Variants in GRIK2 observed in about 807,000 individuals in gnomAD.
GRIK2 encodes glutamate receptor ionotropic, kainate 2.
A neutral mutation model predicts 100.3 loss-of-function variants in GRIK2; 32 were observed. The ratio of observed to expected loss-of-function variants is 0.32; its 90% CI spans 0.24 to 0.43. The LOEUF (loss-of-function observed/expected upper bound fraction) is 0.43, where lower values mean the gene tolerates loss of function less well. Ranked by LOEUF, GRIK2 falls within the 20% of genes least tolerant of loss-of-function variation. The probability of loss-of-function intolerance (pLI) is 1.00; values close to 1 mark genes in which losing one functional copy is unlikely to be tolerated. For synonymous variants in GRIK2, 417 were observed against 389.4 expected, an observed-to-expected ratio of 1.07 and a Z score of -0.83; for missense variants, 843 against 1,114.9, an observed-to-expected ratio of 0.76 and a Z score of 3.47.
chr6:101,476,243 C>A (rs1772221543), intron 2 of GRIK2, among the ~76,000 whole-genome samples: 1 of 152,060 alleles, frequency 6.6e-6, no homozygotes, highest in African/African-American at 2.4e-5. Context: ...AAGCAGTTAT[C>A]TATGTGGCTG....
At chr6:101,557,556 G>T (rs1469178065) in intron 2 of GRIK2, among the ~76,000 whole-genome samples, 1 of 151,988 alleles carries the variant, frequency 6.6e-6, no homozygotes, top group East Asian at 1.9e-4. Context: ...TTTATTTCTA[G>T]ATAATACAAT....
chr6:101,636,801 A>G (rs1479521797), intron 4 of GRIK2, among the ~76,000 whole-genome samples: 1 of 152,044 alleles, frequency 6.6e-6, no homozygotes, highest in Non-Finnish European at 1.5e-5. Context: ...TGATAGTCAA[A>G]CACTGCCATT....
rs557014404 is a variant in GRIK2 at position 101,772,610 on chromosome 6, C to G, written c.952-27038C>G. On this transcript the variant is annotated intron_variant, in intron 7 of 16. Coordinates refer to ENST00000369134, the MANE Select transcript of GRIK2 (RefSeq NM_021956.5). ...GCCTGAAAGCAGATGTTGGGAATCTCAGAAAATGAATAAAGTATAATCTTG... is the reference window on the plus strand; with the variant it reads ...GCCTGAAAGCAGATGTTGGGAATCTGAGAAAATGAATAAAGTATAATCTTG... Among the ~76,000 whole-genome samples, 4 of 151,582 alleles carry G rather than the reference C, an allele frequency of 2.6e-5. No homozygotes were observed. In the East Asian group the frequency reaches 7.9e-4, roughly 30 times the overall value.
intron 14 of GRIK2, among the ~76,000 whole-genome samples, chr6:101,996,932 A>G (rs1794682668): frequency 6.6e-6 from 1 of 152,152 alleles, no homozygotes; most frequent in Non-Finnish European, 1.5e-5. Flanking sequence ...AACTCAATTA[A>G]AAATATTACT....
chr6:102,032,999 G>A (rs1770077515), intron 14 of GRIK2, among the ~76,000 whole-genome samples: 1 of 151,092 alleles, frequency 6.6e-6, no homozygotes, highest in Non-Finnish European at 1.5e-5. Flanking sequence ...GAAACTTGTA[G>A]GAAATCTTCC....
intron 14 of GRIK2, among the ~76,000 whole-genome samples, chr6:101,980,475 G>T (rs1022200483): frequency 2.0e-5 from 3 of 151,798 alleles, no homozygotes; most frequent in Non-Finnish European, 2.9e-5. Context: ...CAGTATTATG[G>T]CTAACTTAAG....
At chr6:101,819,957 C>A (rs994971914) in intron 10 of GRIK2, among the ~76,000 whole-genome samples, 1 of 152,100 alleles carries the variant, frequency 6.6e-6, no homozygotes, top group African/African-American at 2.4e-5. Flanking sequence ...AAAAAGCCAA[C>A]AAATTTAAAT....
intron 2 of GRIK2, among the ~76,000 whole-genome samples, chr6:101,519,885 A>G (rs1423859454): frequency 1.3e-5 from 2 of 152,120 alleles, no homozygotes; most frequent in Non-Finnish European, 2.9e-5. Flanking sequence ...ATACATACAG[A>G]GAAGTTTTGA....
intron 14 of GRIK2, among the ~76,000 whole-genome samples, chr6:101,977,231 CTATGTTATGT>C (rs58581420): frequency 0.28 from 41,262 of 146,362 alleles, 6,185 homozygotes; most frequent in Non-Finnish European, 0.33. Flanking sequence ...TTATTAGTGG[CTATGTTATGT>C]TATGTTATGT....
At chr6:101,912,728 C>T (rs1446685449) in intron 12 of GRIK2, among the ~76,000 whole-genome samples, 2 of 151,478 alleles carry the variant, frequency 1.3e-5, no homozygotes, top group African/African-American at 4.8e-5. Context: ...TTTCTGAGTG[C>T]TGTTTCCACT....
intron 14 of GRIK2, among the ~76,000 whole-genome samples, chr6:101,981,160 T>G (rs938582815): frequency 1.3e-5 from 2 of 151,810 alleles, no homozygotes; most frequent in African/African-American, 2.4e-5. Context: ...GTTGATGACA[T>G]CATCCCACTC....
At chr6:101,805,669 C>T (rs902049114) in intron 9 of GRIK2, among the ~76,000 whole-genome samples, 2 of 151,842 alleles carry the variant, frequency 1.3e-5, no homozygotes, top group African/African-American at 2.4e-5. Flanking sequence ...ATAGAGGAAA[C>T]CTGCCAATAA....
chr6:101,873,860 C>G (rs1290617220), intron 11 of GRIK2, among the ~76,000 whole-genome samples: 6 of 151,702 alleles, frequency 4.0e-5, no homozygotes, highest in Admixed American at 4.0e-4. Context: ...TGATGAGCAT[C>G]TTTTCATGTG....
intron 4 of GRIK2, among the ~76,000 whole-genome samples, chr6:101,670,679 TTTAATTCTAATG>T (rs985580329): frequency 6.6e-6 from 1 of 152,170 alleles, no homozygotes; most frequent in Non-Finnish European, 1.5e-5. Flanking sequence ...CTTAATGTTT[TTTAATTCTAATG>T]TTAGGTTTTC....
chr6:101,686,524 A>G (rs1484931803), intron 7 of GRIK2, among the ~76,000 whole-genome samples, 171 bp downstream of exon 7: 1 of 152,132 alleles, frequency 6.6e-6, no homozygotes, highest in Non-Finnish European at 1.5e-5. Flanking sequence ...TTTTAAATCA[A>G]TTTTATATGA....
intron 2 of GRIK2, among the ~76,000 whole-genome samples, chr6:101,527,578 G>A (rs547003130): frequency 2.6e-4 from 40 of 152,274 alleles, no homozygotes; most frequent in African/African-American, 7.7e-4. Context: ...ACCACTTCTC[G>A]ACTTTGTGAT....
At chr6:101,465,833 G>A (rs867064424) in intron 2 of GRIK2, among the ~76,000 whole-genome samples, 58 of 152,314 alleles carry the variant, frequency 3.8e-4, no homozygotes, top group African/African-American at 1.3e-3. Flanking sequence ...CAAGTACTTA[G>A]CAGCATTTCT....
chr6:102,028,894 T>C (rs1769843694), intron 14 of GRIK2, among the ~76,000 whole-genome samples: 1 of 151,236 alleles, frequency 6.6e-6, no homozygotes, highest in South Asian at 2.1e-4. Context: ...TAACTATTTC[T>C]TATCTTTTAC....
rs201492187 is a variant in GRIK2 at position 102,042,161 on chromosome 6, A to G, written c.2311+6595A>G. 1.1e-4 allele frequency among the ~76,000 whole-genome samples: 17 copies of G among 151,846 alleles called. No homozygotes were observed. In the East Asian group the frequency reaches 3.3e-3, roughly 30 times the overall value. On this transcript the variant is annotated intron_variant, in intron 15 of 16. Transcript: ENST00000369134. ...AAACATGTCTTGAACTTTTAGTAAC[A>G]GAGCTCAAAATGTATTAGGAGAAGT...
Sources: gnomAD v4.1 joint callset for allele counts (sites outside exome capture counted in the v4.1 genomes callset) on GRCh38, gnomAD v4.1.1 for gene constraint, MANE v1.5 for transcripts, NCBI Gene and HGNC (gene_info 2026-07-23, HGNC 2026-07-21) for gene names.